ACOXL: variants seen among roughly 807,000 people sequenced by gnomAD.
ACOXL encodes acyl-CoA oxidase like.
ACOXL carries 70 observed loss-of-function variants against 71.9 expected under a neutral mutation model. That is an observed-to-expected ratio of 0.97 (90% CI 0.80 to 1.19). The LOEUF (loss-of-function observed/expected upper bound fraction) is 1.19, where lower values mean the gene tolerates loss of function less well. Among genes scored for constraint, ACOXL ranks in the 50% most tolerant of loss-of-function variants. ACOXL has a pLI of 0.00. For missense variants in ACOXL, 703 were observed against 736.3 expected (o/e 0.95, Z 0.52); for synonymous variants, 253 against 281.6 (o/e 0.90, Z 1.02).
chr2:111,109,568 C>A (rs2069792577), intron 17 of ACOXL, among the ~76,000 whole-genome samples: 1 of 151,698 alleles, frequency 6.6e-6, no homozygotes, highest in African/African-American at 2.4e-5. Context: ...CTCAAATATC[C>A]CATTTTTTCA....
chr2:111,100,517 C>A (rs535619716), intron 17 of ACOXL: 2 of 152,830 alleles, frequency 1.3e-5, no homozygotes, highest in African/African-American at 4.8e-5. Flanking sequence ...CATATTTGAT[C>A]ATATTTACAC....
intron 14 of ACOXL, among the ~76,000 whole-genome samples, chr2:111,025,044 T>TC (rs2064954912): frequency 6.6e-6 from 1 of 152,076 alleles, no homozygotes; most frequent in Non-Finnish European, 1.5e-5. Flanking sequence ...CCCACAAAGT[T>TC]CCTTTGTGCA....
At chr2:110,879,048 C>T (rs896734444) in intron 10 of ACOXL, among the ~76,000 whole-genome samples, 2 of 138,458 alleles carry the variant, frequency 1.4e-5, no homozygotes, top group Admixed American at 1.5e-4. Flanking sequence ...CAGGGCGAGG[C>T]TCCGTTAAAA....
At chr2:110,913,228 A>T (rs568198580) in intron 11 of ACOXL, among the ~76,000 whole-genome samples, 5 of 152,340 alleles carry the variant, frequency 3.3e-5, no homozygotes, top group Non-Finnish European at 7.3e-5. Flanking sequence ...AAATTGCCAT[A>T]TATCTCAGCG....
chr2:111,021,531 G>T (rs1299393188), intron 14 of ACOXL, among the ~76,000 whole-genome samples: 1 of 152,082 alleles, frequency 6.6e-6, no homozygotes, highest in Non-Finnish European at 1.5e-5. Context: ...CTGGCTACTG[G>T]GCCCAGCCCC....
intron 17 of ACOXL, chr2:111,102,191 T>C (rs1424625628): frequency 1.3e-5 from 2 of 152,394 alleles, no homozygotes; most frequent in East Asian, 3.8e-4. Context: ...TGCTCCTCAG[T>C]GGTATAAAAT....
chr2:110,839,269 C>A (rs1408085383), intron 9 of ACOXL, among the ~76,000 whole-genome samples: 1 of 152,136 alleles, frequency 6.6e-6, no homozygotes, highest in East Asian at 1.9e-4. Context: ...GTAAAATTAT[C>A]TTATAATTAG....
intron 16 of ACOXL, among the ~76,000 whole-genome samples, chr2:111,060,342 CT>C (rs1234251388): frequency 1.3e-5 from 2 of 152,142 alleles, no homozygotes; most frequent in Non-Finnish European, 2.9e-5. Context: ...AGGCCACCCC[CT>C]GGTAGCGTCA....
At chr2:110,988,263 C>A (rs958390259) in intron 13 of ACOXL, among the ~76,000 whole-genome samples, 2 of 152,106 alleles carry the variant, frequency 1.3e-5, no homozygotes, top group Non-Finnish European at 2.9e-5. Flanking sequence ...TATGGTGAGA[C>A]CTCTGTCTCT....
intron 9 of ACOXL, among the ~76,000 whole-genome samples, chr2:110,819,353 C>T (rs1482261138): frequency 6.6e-6 from 1 of 152,168 alleles, no homozygotes; most frequent in Non-Finnish European, 1.5e-5. Context: ...CTTGGTTAAA[C>T]ATGGAGAACG....
At chr2:110,790,747 C>T (rs1684548099) in intron 3 of ACOXL, among the ~76,000 whole-genome samples, 1 of 152,248 alleles carries the variant, frequency 6.6e-6, no homozygotes, top group East Asian at 1.9e-4. Context: ...GACATTCCCA[C>T]GTGATCGGTT....
At chr2:111,056,305 A>C (rs1574624564) in intron 16 of ACOXL, among the ~76,000 whole-genome samples, 1 of 152,068 alleles carries the variant, frequency 6.6e-6, no homozygotes, top group Non-Finnish European at 1.5e-5. Flanking sequence ...TATGCCATTG[A>C]AGCCCGGGAT....
chr2:110,867,748 T>C (rs531186418), intron 10 of ACOXL, among the ~76,000 whole-genome samples: 1 of 152,146 alleles, frequency 6.6e-6, no homozygotes, highest in South Asian at 2.1e-4. Flanking sequence ...AAAGTTGACA[T>C]GAAAAAGCAA....
intron 12 of ACOXL, among the ~76,000 whole-genome samples, chr2:110,952,534 C>T (rs184504469): frequency 3.1e-4 from 47 of 152,158 alleles, no homozygotes; most frequent in Admixed American, 9.2e-4. Context: ...TGATCGTGGC[C>T]CTTGGGCTCA....
intron 9 of ACOXL, among the ~76,000 whole-genome samples, chr2:110,823,910 A>C (rs762754957): frequency 2.0e-5 from 3 of 152,158 alleles, no homozygotes; most frequent in African/African-American, 4.8e-5. Context: ...ATTTTCTTCC[A>C]ATCTCTGGCT....
intron 16 of ACOXL, among the ~76,000 whole-genome samples, chr2:111,069,367 G>A (rs1162211477): frequency 2.0e-5 from 3 of 152,028 alleles, no homozygotes; most frequent in Non-Finnish European, 4.4e-5. Context: ...GGCCAGGCTG[G>A]TCTTGAACTC....
At chr2:110,941,362 A>G (rs1338751405) in intron 12 of ACOXL, among the ~76,000 whole-genome samples, 2 of 152,188 alleles carry the variant, frequency 1.3e-5, no homozygotes, top group South Asian at 2.1e-4. Flanking sequence ...TGGACAATAT[A>G]TGTATGCTAA....
chr2:110,896,544 G>A (rs6737631), intron 10 of ACOXL, among the ~76,000 whole-genome samples: 47,363 of 151,884 alleles, frequency 0.31, 7,740 homozygotes, highest in Middle Eastern at 0.38. Flanking sequence ...AAGACATATC[G>A]TGCAAAGATT....
At chr2:110,806,639 A>G (rs543693385) in intron 9 of ACOXL, among the ~76,000 whole-genome samples, 1 of 152,360 alleles carries the variant, frequency 6.6e-6, no homozygotes, top group East Asian at 1.9e-4. Context: ...TGAAGCTGTG[A>G]TAGCAGTCTC....
Sources: gnomAD v4.1 joint callset for allele counts (sites outside exome capture counted in the v4.1 genomes callset) on GRCh38, gnomAD v4.1.1 for gene constraint, MANE v1.5 for transcripts, NCBI Gene and HGNC (gene_info 2026-07-23, HGNC 2026-07-21) for gene names.